ENKUR: variants seen among roughly 807,000 people sequenced by gnomAD.
ENKUR encodes the protein enkurin.
Under a neutral mutation model 27.6 loss-of-function variants are expected in ENKUR, and 19 were observed. The ratio of observed to expected loss-of-function variants is 0.69; its 90% confidence interval spans 0.48 to 1.01. The LOEUF is 1.01. Ranked by LOEUF, ENKUR falls within the 50% of genes least tolerant of loss-of-function variation. The pLI is 0.00. For synonymous variants in ENKUR, 117 were observed against 96.9 expected (o/e 1.21, Z -1.22); for missense variants, 312 against 310.5 (o/e 1.00, Z -0.04).
rs760026746 is a variant in ENKUR, at chr10:24,999,509, T to G, written c.115A>C (p.Met39Leu). ...SIFKATVKDDMQKAKTAMKTM... is the reference protein window; with the variant it reads ...SIFKATVKDDLQKAKTAMKTM... ...TTCATTGCAGTTTTAGCTTTTTGCATGTCATCTTTTACAGTTGCCTTAAAA... is the reference window on the plus strand; with the variant it reads ...TTCATTGCAGTTTTAGCTTTTTGCAGGTCATCTTTTACAGTTGCCTTAAAA... The change falls in exon 2 of 6, where the codon ATG becomes CTG. Residue 39 changes from methionine (M) to leucine (L), a missense_variant. Met to Leu is a conservative substitution (Grantham distance 15). Transcript: ENST00000331161. The G allele has an allele frequency of 6.8e-6, 11 of 1,612,864 alleles. No individual in the cohort carries two copies. The East Asian group carries it at 2.0e-4, about 29-fold the overall frequency.
At chr10:25,027,964 A>G (rs12244683) in intron 2 of ENKUR, among the ~76,000 whole-genome samples, 6,956 of 152,282 alleles carry the variant, frequency 0.046, 519 homozygotes, top group African/African-American at 0.16. Context: ...TGGTGTGTCA[A>G]TAAGTGAAAA....
At chr10:25,037,062 G>A (rs2130464949) in intron 2 of ENKUR, among the ~76,000 whole-genome samples, 1 of 152,358 alleles carries the variant, frequency 6.6e-6, no homozygotes, top group South Asian at 2.1e-4. Flanking sequence ...AGAGAGCATG[G>A]CATGGGGCAT....
In ENKUR at chr10:25,042,715, G is replaced by A. The variant is rs546642203; in HGVS notation, c.37+18397C>T. Reference sequence around the variant, plus strand: ...AAATGGAAGAGCACCTGGGCCAGGTGTGGTGGCTTATGCCCATAATCCCAG... The same window carrying A: ...AAATGGAAGAGCACCTGGGCCAGGTATGGTGGCTTATGCCCATAATCCCAG... On this transcript the variant is annotated intron_variant, in intron 2 of 5. Coordinates refer to the ENKUR transcript ENST00000615958. Among the ~76,000 whole-genome samples, 7 of 152,228 alleles carry A rather than the reference G, an allele frequency of 4.6e-5. No individual in the cohort carries two copies. In the South Asian group the frequency reaches 6.2e-4, roughly 14 times the overall value.
chr10:25,023,403 G>A (rs776547470), intron 2 of ENKUR: 1 of 1,614,156 alleles, frequency 6.2e-7, no homozygotes, highest in Non-Finnish European at 8.5e-7. Flanking sequence ...ATATTATCCT[G>A]ATGGGACCTC....
intron 1 of ENKUR, among the ~76,000 whole-genome samples, chr10:25,005,538 C>A (rs1241334635): frequency 6.6e-6 from 1 of 152,152 alleles, no homozygotes; most frequent in Non-Finnish European, 1.5e-5. Flanking sequence ...CCCAGTATTA[C>A]TGCAGCATTA....
chr10:25,056,401 C>G (rs1482502133), intron 2 of ENKUR, among the ~76,000 whole-genome samples: 2 of 152,168 alleles, frequency 1.3e-5, no homozygotes, highest in African/African-American at 4.8e-5. Context: ...CTAGGAACAT[C>G]TCTTATGAGA....
chr10:25,000,442 CT>C (rs1198057235), intron 1 of ENKUR, among the ~76,000 whole-genome samples: 1 of 152,078 alleles, frequency 6.6e-6, no homozygotes, highest in African/African-American at 2.4e-5. Flanking sequence ...GTGGATTTGG[CT>C]ATTTCTTCTT....
intron 4 of ENKUR, among the ~76,000 whole-genome samples, chr10:24,987,704 G>A (rs1455656531): frequency 1.3e-5 from 2 of 152,182 alleles, no homozygotes; most frequent in Non-Finnish European, 2.9e-5. Flanking sequence ...TCCTCTGCAA[G>A]TATGTGTTCT....
intron 4 of ENKUR, among the ~76,000 whole-genome samples, chr10:24,987,588 A>G (rs1849806631): frequency 6.6e-6 from 1 of 152,154 alleles, no homozygotes; most frequent in Non-Finnish European, 1.5e-5. Flanking sequence ...GACTGTCTCA[A>G]ATAAATACAT....
chr10:25,023,639 A>G (rs1381992380), intron 2 of ENKUR: 1 of 1,614,186 alleles, frequency 6.2e-7, no homozygotes, highest in African/African-American at 1.3e-5. Context: ...CCAATGCATG[A>G]TGCTAGCATG....
chr10:25,031,775 G>A (rs1235789498), intron 2 of ENKUR, among the ~76,000 whole-genome samples: 1 of 131,606 alleles, frequency 7.6e-6, no homozygotes, highest in South Asian at 2.5e-4. Context: ...ATTGCTTTCT[G>A]TTCTTGTTTC....
intron 2 of ENKUR, among the ~76,000 whole-genome samples, chr10:25,037,647 C>T (rs1588681199): frequency 6.6e-6 from 1 of 152,172 alleles, no homozygotes; most frequent in East Asian, 1.9e-4. Context: ...CCCTAACTAA[C>T]TTCTAAAGCT....
chr10:25,035,336 C>A (rs1406866499), intron 2 of ENKUR, among the ~76,000 whole-genome samples: 1 of 152,166 alleles, frequency 6.6e-6, no homozygotes, highest in African/African-American at 2.4e-5. Context: ...GAGTGGATCA[C>A]CTGAGGTCAG....
At chr10:25,043,549 C>T (rs1356269279) in intron 2 of ENKUR, among the ~76,000 whole-genome samples, 12 of 152,042 alleles carry the variant, frequency 7.9e-5, no homozygotes, top group Admixed American at 7.9e-4. Flanking sequence ...AGAAGTGTGG[C>T]CATAATATGC....
At chr10:25,024,437 C>T (rs1243314191) in intron 2 of ENKUR, 4 of 1,614,008 alleles carry the variant, frequency 2.5e-6, no homozygotes, top group Non-Finnish European at 3.4e-6. Flanking sequence ...GCTGTGGTTG[C>T]ATTTTTTCCT....
At chr10:25,046,067 A>G (rs186457864) in intron 2 of ENKUR, among the ~76,000 whole-genome samples, 4 of 152,276 alleles carry the variant, frequency 2.6e-5, no homozygotes, top group Admixed American at 2.6e-4. Flanking sequence ...CCTTTTTGTC[A>G]ATGGTAACAG....
At chr10:25,059,797 C>T (rs765236659) in intron 2 of ENKUR, among the ~76,000 whole-genome samples, 3 of 151,848 alleles carry the variant, frequency 2.0e-5, no homozygotes, top group African/African-American at 4.8e-5. Flanking sequence ...GCATTCCAGC[C>T]TGGGTGACAG....
At chr10:25,014,070 A>G (rs1283350382) in intron 1 of ENKUR, among the ~76,000 whole-genome samples, 1 of 152,228 alleles carries the variant, frequency 6.6e-6, no homozygotes, top group Admixed American at 6.5e-5. Context: ...TGAGGCTTTC[A>G]TAACTTAAGT....
At chr10:25,012,537 G>C (rs1438457360) in intron 1 of ENKUR, among the ~76,000 whole-genome samples, 3 of 152,232 alleles carry the variant, frequency 2.0e-5, no homozygotes, top group African/African-American at 2.4e-5. Context: ...CTGGATGTGA[G>C]ACATGGAGTC....
Sources: allele counts gnomAD v4.1 joint callset (sites outside exome capture counted in the v4.1 genomes callset), GRCh38; gene constraint gnomAD v4.1.1; transcripts MANE v1.5; gene names NCBI Gene and HGNC (gene_info 2026-07-23, HGNC 2026-07-21).